Variants in ESYT2 observed in about 807,000 individuals in gnomAD.
The protein encoded by ESYT2 is extended synaptotagmin-2.
Under a neutral mutation model 107.2 loss-of-function variants are expected in ESYT2, and 54 were observed. That is an observed-to-expected ratio of 0.50 (90% CI 0.40 to 0.63). ESYT2 has a LOEUF of 0.63. Among genes scored for constraint, ESYT2 ranks in the 30% least tolerant of loss-of-function variants. The pLI is 0.00. For missense variants in ESYT2, 1,020 were observed against 1,094.5 expected, an observed-to-expected ratio of 0.93 and a Z score of 0.96; for synonymous variants, 491 against 434.1, an observed-to-expected ratio of 1.13 and a Z score of -1.63.
intron 6 of ESYT2, among the ~76,000 whole-genome samples, chr7:158,775,299 T>C (rs1477869889): frequency 6.6e-6 from 1 of 152,186 alleles, no homozygotes; most frequent in Admixed American, 6.5e-5. Flanking sequence ...GGGGTGGTGG[T>C]TGCTGAAGGT....
chr7:158,795,829 G>A (rs1024381623), intron 3 of ESYT2, among the ~76,000 whole-genome samples: 11 of 152,220 alleles, frequency 7.2e-5, no homozygotes, highest in Non-Finnish European at 1.3e-4. Context: ...CCTGTGTAGA[G>A]ACATGGACTC....
chr7:158,812,753 A>C (rs1840025408), intron 1 of ESYT2, among the ~76,000 whole-genome samples: 1 of 152,248 alleles, frequency 6.6e-6, no homozygotes, highest in South Asian at 2.1e-4. Flanking sequence ...TCAGCCTTAA[A>C]GAGATGATAC....
At chr7:158,787,839 C>T (rs1839161630) in intron 6 of ESYT2, among the ~76,000 whole-genome samples, 165 bp downstream of exon 6, 1 of 152,092 alleles carries the variant, frequency 6.6e-6, no homozygotes, top group South Asian at 2.1e-4. Flanking sequence ...GATAAGCTCT[C>T]AGTTAAGGCA....
chr7:158,747,477 T>TA (rs1837444453), intron 16 of ESYT2, among the ~76,000 whole-genome samples: 1 of 151,300 alleles, frequency 6.6e-6, no homozygotes, highest in Non-Finnish European at 1.5e-5. Context: ...ACAAAGACCG[T>TA]AAAAAAGCAT....
intron 7 of ESYT2, 58 bp from the exon 8 acceptor site, chr7:158,767,832 C>A: frequency 6.4e-7 from 1 of 1,561,704 alleles, no homozygotes; most frequent in South Asian, 1.2e-5. Context: ...ATGCTTCTCT[C>A]ACCTTTGACA....
chr7:158,787,622 T>C (rs1055762760), intron 6 of ESYT2, among the ~76,000 whole-genome samples: 2 of 152,188 alleles, frequency 1.3e-5, no homozygotes, highest in African/African-American at 2.4e-5. Flanking sequence ...AAATAAGACT[T>C]TCAAAATCTC....
At chr7:158,764,221 G>C (rs928324272) in intron 9 of ESYT2, among the ~76,000 whole-genome samples, 7 of 151,942 alleles carry the variant, frequency 4.6e-5, no homozygotes, top group African/African-American at 1.5e-4. Flanking sequence ...GGCCTCTCTG[G>C]GTAAACAGAT....
At chr7:158,767,590 C>T in intron 8 of ESYT2, 64 bp downstream of exon 8, 1 of 1,569,478 alleles carries the variant, frequency 6.4e-7, no homozygotes, top group Non-Finnish European at 8.7e-7. Flanking sequence ...CCCAATGCCA[C>T]ACCCGCAGGC....
intron 13 of ESYT2, among the ~76,000 whole-genome samples, chr7:158,756,559 T>TACAC (rs958769308): frequency 1.2e-4 from 19 of 152,294 alleles, no homozygotes; most frequent in African/African-American, 4.6e-4. Context: ...GAGAGTTGAT[T>TACAC]ACACAGCAGG....
At position 158,812,917 on chromosome 7, in the gene ESYT2, G is replaced by A. The variant is rs1840031560; in HGVS notation, c.331-13845C>T. Among the ~76,000 whole-genome samples the A allele has an allele frequency of 3.9e-5, 6 of 152,330 alleles. 1 individual carries two copies. The South Asian group carries it at 1.2e-3, about 32-fold the overall frequency. ...TACAAAGCAGATGTGGTTGCCATGG[G>A]TTGGGGGAGGGGAAACAGGGTGTGA... On this transcript the variant is annotated intron_variant, in intron 1 of 22. Coordinates refer to ENST00000275418, the MANE Select transcript of ESYT2 (RefSeq NM_001367773.1).
intron 1 of ESYT2, among the ~76,000 whole-genome samples, chr7:158,805,562 T>A (rs912826457): frequency 3.9e-5 from 6 of 152,206 alleles, no homozygotes; most frequent in African/African-American, 1.4e-4. Context: ...ATCAATTAAT[T>A]CACACAGTAA....
intron 3 of ESYT2, among the ~76,000 whole-genome samples, chr7:158,795,398 A>C (rs577058879): frequency 1.6e-4 from 25 of 152,250 alleles, no homozygotes; most frequent in Admixed American, 5.2e-4. Flanking sequence ...AATTATTCCT[A>C]AAATAAACCC....
At position 158,737,114 on chromosome 7, in the gene ESYT2, TTGTCTGGTAATAAATA is replaced by T; in HGVS notation, c.2317_2332del (p.Tyr773ArgfsTer16). The stretch of plus-strand genomic sequence containing the variant: ...TGTTTTCCTCCTTCCTGACCGCCTC[TTGTCTGGTAATAAATA>T]CATGCGGACATAGGGGTCAGAGCCG... On this transcript the variant is annotated frameshift_variant, in exon 20 of 23. Coordinates refer to ENST00000275418, the MANE Select transcript of ESYT2 (RefSeq NM_001367773.1). The T allele has an allele frequency of 6.2e-7, 1 of 1,614,114 alleles. No homozygotes were observed. The highest frequency in any genetic ancestry group is 2.2e-5 in the East Asian group (1 of 44,888).
At chr7:158,748,596 A>G (rs938197807) in intron 15 of ESYT2, among the ~76,000 whole-genome samples, 6 of 152,152 alleles carry the variant, frequency 3.9e-5, no homozygotes, top group Admixed American at 2.6e-4. Context: ...TGACTTTTGC[A>G]CCAACGTAAT....
rs10248059 is a variant in ESYT2 at position 158,740,376 on chromosome 7, A to G, written c.2168+1147T>C. ...CCTTTCTAAATGTGCAGATCTTATG[A>G]TTCACCAATTGAGCACCCGAGGTTA... is the stretch of plus-strand genomic sequence containing the variant. On this transcript the variant is annotated intron_variant, in intron 18 of 22. Transcript: ENST00000275418. Among the ~76,000 whole-genome samples, 265 of 152,280 alleles carry G rather than the reference A, an allele frequency of 1.7e-3. 2 individuals are homozygous for G. The highest frequency in any genetic ancestry group is 0.01 in the Middle Eastern group (3 of 294).
At chr7:158,827,066 G>A (rs1840475790) in intron 1 of ESYT2, among the ~76,000 whole-genome samples, 2 of 151,454 alleles carry the variant, frequency 1.3e-5, no homozygotes, top group African/African-American at 2.4e-5. Flanking sequence ...GGGAGGCTGA[G>A]GCAGGAGAAT....
At chr7:158,769,667 G>A (rs1335728079) in intron 7 of ESYT2, among the ~76,000 whole-genome samples, 1 of 152,036 alleles carries the variant, frequency 6.6e-6, no homozygotes, top group African/African-American at 2.4e-5. Context: ...AAAACATAAC[G>A]GATATTTAAT....
intron 6 of ESYT2, among the ~76,000 whole-genome samples, chr7:158,782,127 G>A (rs1838871607): frequency 3.1e-5 from 2 of 63,544 alleles, no homozygotes; most frequent in Non-Finnish European, 6.0e-5. Context: ...GTGAGTGTAA[G>A]AACGAGAACA....
At chr7:158,808,060 C>G (rs1196124846) in intron 1 of ESYT2, among the ~76,000 whole-genome samples, 1 of 152,032 alleles carries the variant, frequency 6.6e-6, no homozygotes, top group Non-Finnish European at 1.5e-5. Flanking sequence ...TTAGAAATAC[C>G]CCAAATCTTA....
Sources: gnomAD v4.1 joint callset for allele counts (sites outside exome capture counted in the v4.1 genomes callset) on GRCh38, gnomAD v4.1.1 for gene constraint, MANE v1.5 for transcripts, NCBI Gene and HGNC (gene_info 2026-07-23, HGNC 2026-07-21) for gene names.